PATJ: variants seen among roughly 807,000 people sequenced by gnomAD.
The protein encoded by PATJ is PATJ crumbs cell polarity complex component, also known as inaD-like protein.
A neutral mutation model predicts 224.9 loss-of-function variants in PATJ; 190 were observed. The ratio of observed to expected loss-of-function variants is 0.84; its 90% CI spans 0.75 to 0.95. PATJ has a LOEUF of 0.95. Ranked by LOEUF, PATJ falls within the 40% of genes least tolerant of loss-of-function variation. PATJ has a pLI of 0.00. For synonymous variants in PATJ, 769 were observed against 820.3 expected (o/e 0.94, Z 1.07); for missense variants, 2,121 against 2,270.3 (o/e 0.93, Z 1.34).
chr1:61,974,405 C>CTCTTT (rs1434777894), intron 27 of PATJ, among the ~76,000 whole-genome samples: 2 of 64,270 alleles, frequency 3.1e-5, no homozygotes, highest in African/African-American at 1.3e-4. Context: ...CTCTCTCTCT[C>CTCTTT]TTTTTTTTTT....
At chr1:61,878,436 G>A (rs987472474) in intron 21 of PATJ, among the ~76,000 whole-genome samples, 5 of 152,152 alleles carry the variant, frequency 3.3e-5, no homozygotes, top group Non-Finnish European at 7.3e-5. Context: ...ATTGCCAACT[G>A]ATTGGACCCT....
At chr1:62,139,264 G>T (rs928383227) in intron 41 of PATJ, among the ~76,000 whole-genome samples, 1 of 151,942 alleles carries the variant, frequency 6.6e-6, no homozygotes, top group Admixed American at 6.6e-5. Context: ...AGCCGGGCGT[G>T]GTGGCGGGCG....
chr1:61,783,531 C>G (rs1282915093), intron 7 of PATJ, among the ~76,000 whole-genome samples: 1 of 150,550 alleles, frequency 6.6e-6, no homozygotes, highest in South Asian at 2.1e-4. Flanking sequence ...TGACTTCAAG[C>G]AGTCCTCCCA....
At chr1:62,017,664 G>A (rs1423444851) in intron 28 of PATJ, among the ~76,000 whole-genome samples, 192 bp from the exon 29 acceptor site, 5 of 149,628 alleles carry the variant, frequency 3.3e-5, no homozygotes, top group Non-Finnish European at 5.9e-5. Context: ...CCGAGAAGGC[G>A]GAGGTTGCAG....
At chr1:61,914,544 T>C in intron 25 of PATJ, 43 bp from the exon 26 acceptor site, 2 of 939,786 alleles carry the variant, frequency 2.1e-6, no homozygotes, top group Non-Finnish European at 1.7e-6. Flanking sequence ...GATTATGTCG[T>C]TTAAACGTTT....
intron 21 of PATJ, among the ~76,000 whole-genome samples, chr1:61,881,608 T>C (rs11207851): frequency 0.87 from 132,674 of 151,810 alleles, 58,079 homozygotes; most frequent in African/African-American, 0.9. Flanking sequence ...GACGGGATTT[T>C]GCCATGTTGT....
At position 62,163,021 on chromosome 1, in the gene PATJ, C is replaced by T. The variant is rs1669948785; in HGVS notation, c.*1967C>T. On this transcript the variant is annotated 3_prime_UTR_variant, in exon 44 of 44. Coordinates refer to ENST00000642238, the MANE Select transcript of PATJ (RefSeq NM_001350145.3). ...GTAGTTCAGCATTATTTAACTACAACACAATGCTGCAAATATTTCACAGTA... is the reference window on the plus strand; with the variant it reads ...GTAGTTCAGCATTATTTAACTACAATACAATGCTGCAAATATTTCACAGTA... 1 of 255,438 alleles carries T rather than the reference C, an allele frequency of 3.9e-6. No individual in the cohort carries two copies. The highest frequency in any genetic ancestry group is 8.1e-6 in the Non-Finnish European group (1 of 123,484). The allele number at this position is 255,438 out of a possible 1,614,324, so 15.8% of individuals were successfully genotyped here. A position where few individuals can be genotyped will look rare whatever the true frequency, so the allele number is the denominator to read the frequency against.
intron 28 of PATJ, among the ~76,000 whole-genome samples, chr1:62,014,414 G>A (rs904342442): frequency 2.0e-5 from 3 of 151,984 alleles, no homozygotes; most frequent in East Asian, 1.9e-4. Context: ...ATAAATTAAC[G>A]AGATTGGAAA....
intron 7 of PATJ, among the ~76,000 whole-genome samples, chr1:61,784,725 T>G (rs1415713862): frequency 6.6e-6 from 1 of 152,356 alleles, no homozygotes; most frequent in East Asian, 1.9e-4. Context: ...GAGGCAACTT[T>G]ACCCTTATTT....
At chr1:62,051,579 G>A (rs781247688) in intron 31 of PATJ, among the ~76,000 whole-genome samples, 5 of 152,106 alleles carry the variant, frequency 3.3e-5, no homozygotes, top group Non-Finnish European at 7.4e-5. Flanking sequence ...CATCCGCCTT[G>A]GCCTCCCAAA....
chr1:61,898,773 G>A (rs557008137), intron 22 of PATJ, among the ~76,000 whole-genome samples: 9 of 152,034 alleles, frequency 5.9e-5, no homozygotes, highest in East Asian at 1.9e-4. Flanking sequence ...AGCATTTTAC[G>A]TTATCCAGTT....
chr1:62,065,495 C>G (rs918239312), intron 31 of PATJ, among the ~76,000 whole-genome samples: 1 of 152,124 alleles, frequency 6.6e-6, no homozygotes, highest in African/African-American at 2.4e-5. Context: ...GCCTGTAATT[C>G]CAGCTACTCG....
At chr1:61,900,847 C>T (rs1463857227) in intron 23 of PATJ, among the ~76,000 whole-genome samples, 1 of 152,168 alleles carries the variant, frequency 6.6e-6, no homozygotes, top group Non-Finnish European at 1.5e-5. Flanking sequence ...CCTCGGCCTC[C>T]CAAAGTGCTG....
At chr1:62,091,486 A>G (rs1172341064) in intron 33 of PATJ, among the ~76,000 whole-genome samples, 1 of 152,244 alleles carries the variant, frequency 6.6e-6, no homozygotes, top group Non-Finnish European at 1.5e-5. Flanking sequence ...AACTGAGTTC[A>G]GTTATTATTA....
At chr1:62,034,985 G>GT (rs1650099071) in intron 29 of PATJ, among the ~76,000 whole-genome samples, 2 of 152,282 alleles carry the variant, frequency 1.3e-5, no homozygotes, top group African/African-American at 4.8e-5. Flanking sequence ...AGTATACTCT[G>GT]CGCTGTGAGT....
intron 27 of PATJ, among the ~76,000 whole-genome samples, chr1:61,977,982 CA>C (rs1482096716): frequency 6.6e-6 from 1 of 151,488 alleles, no homozygotes; most frequent in East Asian, 1.9e-4. Flanking sequence ...TGTATTTTCA[CA>C]AAGAACATAT....
intron 14 of PATJ, 59 bp downstream of exon 14, chr1:61,808,589 C>T: frequency 9.3e-7 from 1 of 1,070,360 alleles, no homozygotes. Context: ...TAGGGTCTCA[C>T]TATGTTGTCC....
intron 25 of PATJ, among the ~76,000 whole-genome samples, chr1:61,911,253 G>A (rs150902637): frequency 5.9e-4 from 90 of 151,958 alleles, no homozygotes; most frequent in African/African-American, 2.1e-3. Flanking sequence ...CTCGCTCTTC[G>A]CCCAGGCTGG....
chr1:62,025,021 G>A (rs1647584485), intron 29 of PATJ, among the ~76,000 whole-genome samples: 1 of 152,146 alleles, frequency 6.6e-6, no homozygotes, highest in Non-Finnish European at 1.5e-5. Context: ...TATCAATTTT[G>A]TGAGAGCTCA....
Sources: allele counts gnomAD v4.1 joint callset (sites outside exome capture counted in the v4.1 genomes callset), GRCh38; gene constraint gnomAD v4.1.1; transcripts MANE v1.5; gene names NCBI Gene and HGNC (gene_info 2026-07-23, HGNC 2026-07-21).